Variants in PIWIL3 observed in about 807,000 individuals in gnomAD.
PIWIL3 encodes piwi like RNA-mediated gene silencing 3.
Under a neutral mutation model 109.7 loss-of-function variants are expected in PIWIL3, and 101 were observed. The observed-to-expected ratio is 0.92, with a 90% CI of 0.78 to 1.09. The LOEUF is 1.09. Ranked by LOEUF, PIWIL3 falls within the 50% of genes least tolerant of loss-of-function variation. The probability of loss-of-function intolerance (pLI) is 0.00; values close to 1 mark genes in which losing one functional copy is unlikely to be tolerated. For missense variants in PIWIL3, 1,031 were observed against 1,072.6 expected (o/e 0.96, Z 0.54); for synonymous variants, 373 against 376.4 (o/e 0.99, Z 0.10).
At chr22:24,766,544 G>A (rs755022445) in intron 1 of PIWIL3, among the ~76,000 whole-genome samples, 7 of 151,790 alleles carry the variant, frequency 4.6e-5, no homozygotes, top group Non-Finnish European at 1.0e-4. Context: ...GGATGGTCTT[G>A]ATCTCCTGAC....
At chr22:24,730,646 G>GT (rs1287824363) in intron 14 of PIWIL3, among the ~76,000 whole-genome samples, 2 of 152,038 alleles carry the variant, frequency 1.3e-5, no homozygotes, top group African/African-American at 4.8e-5. Flanking sequence ...AATTCTTCCT[G>GT]TAAGTCTGAA....
chr22:24,739,701 A>G (rs1004050757), intron 12 of PIWIL3, among the ~76,000 whole-genome samples: 6 of 152,152 alleles, frequency 3.9e-5, no homozygotes, highest in African/African-American at 1.4e-4. Flanking sequence ...GGGTACTTCA[A>G]TCAGAAAAAG....
At chr22:24,724,805 C>T in intron 18 of PIWIL3, 82 bp downstream of exon 18, 1 of 1,451,400 alleles carries the variant, frequency 6.9e-7, no homozygotes, top group Non-Finnish European at 9.4e-7. Flanking sequence ...CTCCTGGGCT[C>T]AAGGGATCTG....
At chr22:24,753,505 A>C (rs967425796) in intron 8 of PIWIL3, among the ~76,000 whole-genome samples, 3 of 152,162 alleles carry the variant, frequency 2.0e-5, no homozygotes, top group African/African-American at 7.2e-5. Context: ...GACCAACATC[A>C]CACTGTCTTG....
chr22:24,759,901 C>G lies in PIWIL3; in HGVS notation c.191G>C (p.Arg64Thr). The G allele has an allele frequency of 3.1e-6, 5 of 1,602,464 alleles. No individual in the cohort carries two copies. Among genetic ancestry groups the G allele is most frequent in the Non-Finnish European group, 4.3e-6 (5 of 1,169,354 alleles). The change falls in exon 3 of 21, where the codon AGA (arginine) becomes ACA (threonine). Residue 64 changes from arginine (R) to threonine (T), a missense_variant. Transcript: ENST00000616349. ...VVRPLQPRAA[R>T]GGAGGGAQSQ... is the part of the protein sequence containing the mutation. ...CTGTGCTCCTCCTCCTGCTCCTCCT[C>G]TTGCTGCTCTTGGCTGCAGAGGTCT...
intron 5 of PIWIL3, 73 bp downstream of exon 5, chr22:24,756,418 A>G (rs1203843437): frequency 1.4e-6 from 2 of 1,411,004 alleles, no homozygotes; most frequent in East Asian, 2.4e-5. Flanking sequence ...GCACAAAAAC[A>G]ATAGGTGTTT....
At position 24,748,862 on chromosome 22, in the gene PIWIL3, T is replaced by C. The variant is rs539512892; in HGVS notation, c.1449+45A>G. 58 of 1,490,314 alleles carry C rather than the reference T, an allele frequency of 3.9e-5. 1 individual carries two copies. In the South Asian group the frequency reaches 5.8e-4, roughly 15 times the overall value. The allele number at this position is 1,490,314 out of a possible 1,614,324, so 92.3% of individuals were successfully genotyped here. On this transcript the variant is annotated intron_variant, in intron 12 of 20. Transcript: ENST00000616349. ...AAGTTAGTTCCTTTTTGCTTTACTC[T>C]TCATTTGACCCCACCATGACATGAT... is the stretch of plus-strand genomic sequence containing the variant.
In PIWIL3 at chr22:24,740,540, T is replaced by G. The variant is rs1305828874; in HGVS notation, c.1450-4648A>C. Among the ~76,000 whole-genome samples the G allele has an allele frequency of 6.3e-5, 7 of 111,318 alleles. No individual in the cohort carries two copies. In the Admixed American group the frequency reaches 6.5e-4, roughly 10 times the overall value. The allele number at this position is 111,318 out of a possible 152,430, so 73.0% of individuals were successfully genotyped here. A position where few individuals can be genotyped will look rare whatever the true frequency, so the allele number is the denominator to read the frequency against. On this transcript the variant is annotated intron_variant, in intron 12 of 20. Coordinates refer to ENST00000616349, the MANE Select transcript of PIWIL3 (RefSeq NM_001255975.1). ...TCCATCCTGGGCAACAGAGCAAGAC[T>G]CCATCTCAAAAAAAAAAAAAAGAAA...
intron 1 of PIWIL3, among the ~76,000 whole-genome samples, chr22:24,768,930 T>A (rs1254366575): frequency 6.6e-6 from 1 of 152,214 alleles, no homozygotes; most frequent in Non-Finnish European, 1.5e-5. Context: ...CTCTTCACCA[T>A]CTGTGGAAGG....
At chr22:24,751,319 A>C in intron 9 of PIWIL3, 68 bp downstream of exon 9, 1 of 1,444,398 alleles carries the variant, frequency 6.9e-7, no homozygotes, top group Non-Finnish European at 9.4e-7. Flanking sequence ...TCAAGTAGCT[A>C]AATAACACAA....
intron 9 of PIWIL3, among the ~76,000 whole-genome samples, chr22:24,750,349 A>C (rs1924627227): frequency 6.6e-6 from 1 of 152,202 alleles, no homozygotes; most frequent in African/African-American, 2.4e-5. Context: ...TGAGGAATCC[A>C]TGTCTTACAA....
chr22:24,760,358 A>G (rs536848055), intron 2 of PIWIL3, among the ~76,000 whole-genome samples: 1 of 152,284 alleles, frequency 6.6e-6, no homozygotes, highest in Admixed American at 6.5e-5. Context: ...GAAGAAAAAG[A>G]GCAGAGTTCT....
At chr22:24,756,037 G>A in intron 5 of PIWIL3, 132 bp from the exon 6 acceptor site, 1 of 902,056 alleles carries the variant, frequency 1.1e-6, no homozygotes, top group African/African-American at 1.7e-5. Context: ...TCCCACAAAA[G>A]TACGTGCGTG....
At chr22:24,764,669 T>TGTGTGTGTGG (rs1244151941) in intron 1 of PIWIL3, among the ~76,000 whole-genome samples, 1 of 145,864 alleles carries the variant, frequency 6.9e-6, no homozygotes. Flanking sequence ...TGTGTGTGTG[T>TGTGTGTGTGG]TGAGACAGGA....
rs59183599 is a variant in PIWIL3 at position 24,744,180 on chromosome 22, A to AT, written c.1449+4726_1449+4727insA. On this transcript the variant is annotated intron_variant, in intron 12 of 20. Coordinates refer to ENST00000616349, the MANE Select transcript of PIWIL3 (RefSeq NM_001255975.1). Reference sequence around the variant, plus strand: ...TCTAATTGAAAGAGTGACCGAATTAAAAAAAAAAAAAAAAAAAAAAAAAAA... The same window carrying AT: ...TCTAATTGAAAGAGTGACCGAATTAATAAAAAAAAAAAAAAAAAAAAAAAAA... Among the ~76,000 whole-genome samples the AT allele has an allele frequency of 9.7e-3, 1,001 of 103,410 alleles. 81 individuals carry two copies. The highest frequency in any genetic ancestry group is 0.033 in the African/African-American group (871 of 26,618). The allele number at this position is 103,410 out of a possible 152,430, so 67.8% of individuals were successfully genotyped here. A position where few individuals can be genotyped will look rare whatever the true frequency, so the allele number is the denominator to read the frequency against.
intron 13 of PIWIL3, among the ~76,000 whole-genome samples, chr22:24,734,485 G>C (rs757456030): frequency 9.9e-5 from 15 of 152,154 alleles, no homozygotes; most frequent in Non-Finnish European, 1.8e-4. Flanking sequence ...CAAAAACAAG[G>C]AGTCCTGGCT....
At chr22:24,745,493 G>A (rs1924298387) in intron 12 of PIWIL3, among the ~76,000 whole-genome samples, 1 of 152,020 alleles carries the variant, frequency 6.6e-6, no homozygotes, top group Non-Finnish European at 1.5e-5. Flanking sequence ...GTTGCAGTGA[G>A]CCAGAATCAC....
chr22:24,723,643 G>A (rs1922812328), intron 18 of PIWIL3, among the ~76,000 whole-genome samples: 1 of 152,158 alleles, frequency 6.6e-6, no homozygotes, highest in Non-Finnish European at 1.5e-5. Context: ...ATAAAAGAAG[G>A]ATAAGTGTGA....
chr22:24,736,700 T>A (rs1400778833), intron 12 of PIWIL3, among the ~76,000 whole-genome samples: 1 of 152,152 alleles, frequency 6.6e-6, no homozygotes, highest in Admixed American at 6.5e-5. Flanking sequence ...GGAAAAACAG[T>A]CTTGAATTGC....
Sources: gnomAD v4.1 joint callset for allele counts (sites outside exome capture counted in the v4.1 genomes callset) on GRCh38, gnomAD v4.1.1 for gene constraint, MANE v1.5 for transcripts, NCBI Gene and HGNC (gene_info 2026-07-23, HGNC 2026-07-21) for gene names.